The following TENM2 variants were observed in gnomAD, a reference collection of about 807,000 sequenced individuals.
TENM2 encodes the protein teneurin-2.
TENM2 carries 52 observed loss-of-function variants against 245.2 expected under a neutral mutation model. The ratio of observed to expected loss-of-function variants is 0.21; its 90% CI spans 0.17 to 0.27. The LOEUF (loss-of-function observed/expected upper bound fraction) is 0.27. Among genes scored for constraint, TENM2 ranks in the 10% least tolerant of loss-of-function variants. TENM2 has a pLI of 1.00. For missense variants in TENM2, 3,046 were observed against 3,666.8 expected (o/e 0.83, Z 4.37); for synonymous variants, 1,363 against 1,438.9 (o/e 0.95, Z 1.19).
At chr5:167,195,865 A>G in the TENM2 span, among the ~76,000 whole-genome samples, 1 of 152,088 alleles carries the variant, frequency 6.6e-6, no homozygotes, top group African/African-American at 2.4e-5. Flanking sequence ...ACACACCTGT[A>G]TTTGGATACC....
Position 167,501,518 on chromosome 5 carries a change from A to G in TENM2, c.502+126045A>G, listed in dbSNP as rs959965221. On this transcript the variant is annotated intron_variant, in intron 2 of 28. Transcript: ENST00000518659. ...GAGATGCATTCACAATGTTGCCTCAATCTACATCTTATTAGTGATGGATCT... is the reference window on the plus strand; with the variant it reads ...GAGATGCATTCACAATGTTGCCTCAGTCTACATCTTATTAGTGATGGATCT... Among the ~76,000 whole-genome samples, 9 of 152,164 alleles carry G rather than the reference A, an allele frequency of 5.9e-5. No homozygotes were observed. The South Asian group carries it at 6.2e-4, about 10-fold the overall frequency.
the TENM2 span, among the ~76,000 whole-genome samples, chr5:167,162,720 A>T: frequency 0.011 from 1,660 of 152,264 alleles, 27 homozygotes; most frequent in African/African-American, 0.038. Flanking sequence ...TAATTGAAAT[A>T]AAGAAAAGTT....
At chr5:167,032,941 T>A in the TENM2 span, among the ~76,000 whole-genome samples, 8 of 152,290 alleles carry the variant, frequency 5.3e-5, no homozygotes, top group African/African-American at 1.9e-4. Context: ...TTCCCACAGA[T>A]AAAATTCTCA....
the TENM2 span, among the ~76,000 whole-genome samples, chr5:167,038,545 A>T: frequency 3.3e-5 from 5 of 152,186 alleles, no homozygotes; most frequent in Non-Finnish European, 7.3e-5. Context: ...ATTGAACAAG[A>T]GCATTTTTGT....
chr5:167,756,222 A>T lies in TENM2; in HGVS notation c.503-119764A>T, dbSNP rs77937450. Among the ~76,000 whole-genome samples, 707 of 150,334 alleles carry T rather than the reference A, an allele frequency of 4.7e-3. 4 individuals carry two copies. Among genetic ancestry groups the T allele is most frequent in the African/African-American group, 0.016 (662 of 40,900 alleles). ...TAAGTTGCTGTTTCCATGTTGTATGATATATATATATATGTAATCCCACTT... is the reference window on the plus strand; with the variant it reads ...TAAGTTGCTGTTTCCATGTTGTATGTTATATATATATATGTAATCCCACTT... On this transcript the variant is annotated intron_variant, in intron 2 of 28. Coordinates refer to ENST00000518659, the Ensembl canonical transcript of TENM2.
chr5:167,091,247 A>C, the TENM2 span, among the ~76,000 whole-genome samples: 1 of 152,142 alleles, frequency 6.6e-6, no homozygotes, highest in East Asian at 1.9e-4. Flanking sequence ...GCAAAGTGTC[A>C]AAAATGCTGA....
At chr5:167,359,139 T>C (rs75375850) in intron 1 of TENM2, among the ~76,000 whole-genome samples, 2,765 of 152,318 alleles carry the variant, frequency 0.018, 93 homozygotes, top group African/African-American at 0.062. Flanking sequence ...CCTTTTAAAA[T>C]GTAAATTAGA....
chr5:168,194,905 AC>A (rs1478353105), intron 14 of TENM2, among the ~76,000 whole-genome samples: 1 of 152,174 alleles, frequency 6.6e-6, no homozygotes, highest in Non-Finnish European at 1.5e-5. Context: ...CTCAGGCCAA[AC>A]AAAAGCCAAA....
chr5:168,242,781 C>T (rs1290237944), intron 25 of TENM2, among the ~76,000 whole-genome samples: 2 of 151,940 alleles, frequency 1.3e-5, no homozygotes, highest in African/African-American at 4.8e-5. Context: ...GGTGAAACCT[C>T]GTCTCTACTA....
At chr5:167,181,888 G>A in the TENM2 span, among the ~76,000 whole-genome samples, 1 of 152,068 alleles carries the variant, frequency 6.6e-6, no homozygotes, top group African/African-American at 2.4e-5. Context: ...CCTTTAGAAG[G>A]GTTTAGAATT....
chr5:167,217,589 A>G, the TENM2 span, among the ~76,000 whole-genome samples: 2 of 151,888 alleles, frequency 1.3e-5, no homozygotes, highest in Non-Finnish European at 2.9e-5. Flanking sequence ...GAGCTGTGCT[A>G]TCTTCCTGCA....
At chr5:168,021,609 G>T (rs1045249319) in intron 5 of TENM2, among the ~76,000 whole-genome samples, 3 of 152,022 alleles carry the variant, frequency 2.0e-5, no homozygotes, top group African/African-American at 7.3e-5. Flanking sequence ...CTCTGTATCT[G>T]AATCTACAGA....
At chr5:168,012,269 T>G (rs1382894394) in intron 5 of TENM2, among the ~76,000 whole-genome samples, 1 of 152,124 alleles carries the variant, frequency 6.6e-6, no homozygotes, top group Admixed American at 6.5e-5. Context: ...TACTCCATTG[T>G]AAAACAATCC....
At chr5:168,253,786 G>A (rs1009393321) in intron 27 of TENM2, among the ~76,000 whole-genome samples, 2 of 152,212 alleles carry the variant, frequency 1.3e-5, no homozygotes, top group East Asian at 3.9e-4. Context: ...GATGAAGAGT[G>A]AGGACACTGC....
At chr5:167,216,808 T>C in the TENM2 span, among the ~76,000 whole-genome samples, 10 of 152,000 alleles carry the variant, frequency 6.6e-5, no homozygotes, top group African/African-American at 2.4e-4. Context: ...ACATCTGTAG[T>C]CCCAGCTACT....
intron 7 of TENM2, among the ~76,000 whole-genome samples, chr5:168,063,150 C>G (rs1790193178): frequency 6.6e-6 from 1 of 152,124 alleles, no homozygotes; most frequent in Non-Finnish European, 1.5e-5. Context: ...GTTAAAATAT[C>G]ACTAGGAGAC....
chr5:167,559,179 CAGT>C (rs1773435504), intron 2 of TENM2, among the ~76,000 whole-genome samples: 1 of 152,152 alleles, frequency 6.6e-6, no homozygotes, highest in South Asian at 2.1e-4. Context: ...TAGAATATGG[CAGT>C]AGTTGGTTGG....
intron 27 of TENM2, among the ~76,000 whole-genome samples, chr5:168,255,662 G>T (rs920129793): frequency 2.6e-5 from 4 of 152,060 alleles, no homozygotes. Context: ...GTCTCCCTCA[G>T]TGGCAGGTAA....
intron 2 of TENM2, among the ~76,000 whole-genome samples, chr5:167,725,572 T>G (rs1347736306): frequency 6.6e-6 from 1 of 152,156 alleles, no homozygotes; most frequent in Non-Finnish European, 1.5e-5. Context: ...ATTTTCATCC[T>G]CACTGTCCAT....
Sources: allele counts gnomAD v4.1 joint callset (sites outside exome capture counted in the v4.1 genomes callset), GRCh38; gene constraint gnomAD v4.1.1; transcripts MANE v1.5; gene names NCBI Gene and HGNC (gene_info 2026-07-23, HGNC 2026-07-21).